EML1: variants seen among roughly 807,000 people sequenced by gnomAD.
EML1 encodes EMAP like 1, also known as echinoderm microtubule-associated protein-like 1.
Under a neutral mutation model 110.4 loss-of-function variants are expected in EML1, and 27 were observed. The ratio of observed to expected loss-of-function variants is 0.24; its 90% CI spans 0.18 to 0.34. EML1 has a LOEUF of 0.34. Ranked by LOEUF, EML1 falls within the 10% of genes least tolerant of loss-of-function variation. The pLI, the probability that EML1 is intolerant of heterozygous loss-of-function variation, is 1.00. For missense variants in EML1, 741 were observed against 1,030.9 expected (o/e 0.72, Z 3.85); for synonymous variants, 344 against 385.8 (o/e 0.89, Z 1.27).
intron 1 of EML1, among the ~76,000 whole-genome samples, chr14:99,838,112 T>C (rs747568316): frequency 4.6e-5 from 7 of 152,206 alleles, no homozygotes; most frequent in Non-Finnish European, 8.8e-5. Context: ...CACTGTGCTT[T>C]TCTAAATTTT....
chr14:99,835,266 T>A (rs1175995884), intron 1 of EML1, among the ~76,000 whole-genome samples: 4 of 152,234 alleles, frequency 2.6e-5, no homozygotes, highest in Admixed American at 1.3e-4. Flanking sequence ...ATAAAGTTTT[T>A]AAAAATATTT....
In EML1 at chr14:99,815,370, T is replaced by C. The variant is rs180747907; in HGVS notation, c.67+21827T>C. On this transcript the variant is annotated intron_variant, in intron 1 of 21. Coordinates refer to ENST00000262233, the MANE Select transcript of EML1 (RefSeq NM_004434.3). ...GTTAGCCAGGATGGTCTCGATCTCCTGACCTTGTGATCTGCTCGCCTCGGC... is the reference window on the plus strand; with the variant it reads ...GTTAGCCAGGATGGTCTCGATCTCCCGACCTTGTGATCTGCTCGCCTCGGC... Among the ~76,000 whole-genome samples, 291 of 152,214 alleles carry C rather than the reference T, an allele frequency of 1.9e-3. 2 individuals are homozygous for C. Among genetic ancestry groups the C allele is most frequent in the African/African-American group, 6.7e-3 (279 of 41,536 alleles).
At chr14:99,743,748 T>G (rs2057072141) in intron 1 of EML1, among the ~76,000 whole-genome samples, 1 of 152,226 alleles carries the variant, frequency 6.6e-6, no homozygotes, top group Non-Finnish European at 1.5e-5. Context: ...CGCAGGCTTT[T>G]TCATCTATGA....
intron 5 of EML1, among the ~76,000 whole-genome samples, chr14:99,892,977 T>C (rs1167951242): frequency 2.8e-5 from 4 of 143,364 alleles, no homozygotes; most frequent in African/African-American, 8.4e-5. Flanking sequence ...TTGGGTGCTT[T>C]TAGATTCTTT....
At chr14:99,898,191 T>TA (rs764629725) in intron 7 of EML1, 42 bp from the exon 8 acceptor site, 5 of 1,516,152 alleles carry the variant, frequency 3.3e-6, no homozygotes, top group East Asian at 4.7e-5. Flanking sequence ...AAGTAAAACT[T>TA]ACCTGCAACA....
At chr14:99,889,626 G>T (rs1237563769) in intron 4 of EML1, among the ~76,000 whole-genome samples, 1 of 152,214 alleles carries the variant, frequency 6.6e-6, no homozygotes, top group Non-Finnish European at 1.5e-5. Context: ...CCTGAGAGTG[G>T]CTGACTTCGG....
chr14:99,770,779 A>ATTTTTTTTTTTTTTTTTTTTTTT (rs34744469), upstream of EML1, among the ~76,000 whole-genome samples: 110 of 91,626 alleles, frequency 1.2e-3, 15 homozygotes, highest in East Asian at 2.9e-3. Flanking sequence ...GTTTCCGCTG[A>ATTTTTTTTTTTTTTTTTTTTTTT]TTTTTTTTTT....
At chr14:99,745,108 C>A (rs1157499949) in intron 1 of EML1, among the ~76,000 whole-genome samples, 2 of 152,116 alleles carry the variant, frequency 1.3e-5, no homozygotes, top group Non-Finnish European at 2.9e-5. Flanking sequence ...GCTCTGTCAC[C>A]CAGGCTTGAG....
intron 15 of EML1, among the ~76,000 whole-genome samples, chr14:99,917,464 G>T (rs992998013): frequency 2.0e-5 from 3 of 152,060 alleles, no homozygotes; most frequent in Non-Finnish European, 4.4e-5. Flanking sequence ...AGTCCCAGCT[G>T]CTTCAGAGGC....
At position 99,827,025 on chromosome 14, in the gene EML1, C is replaced by G. The variant is rs914472610; in HGVS notation, c.68-23828C>G. ...CCAGATTTTGTACACGTACTAAGTG[C>G]TGAATAAATACAGCAGTGCTGCAGG... On this transcript the variant is annotated intron_variant, in intron 1 of 21. Transcript: ENST00000262233. This position sits in a 1 kb window ranked among gnomAD's most constrained non-coding sequence, Gnocchi z 4.4. 4.9e-5 allele frequency among the ~76,000 whole-genome samples: 7 copies of G among 144,288 alleles called. No individual in the cohort carries two copies. The highest frequency in any genetic ancestry group is 3.2e-5 in the Non-Finnish European group (2 of 62,566). The allele number at this position is 144,288 out of a possible 152,430, so 94.7% of individuals were successfully genotyped here. A position where few individuals can be genotyped will look rare whatever the true frequency, so the allele number is the denominator to read the frequency against.
At chr14:99,766,864 A>T (rs1373897540) in intron 1 of EML1, among the ~76,000 whole-genome samples, 1 of 152,142 alleles carries the variant, frequency 6.6e-6, no homozygotes, top group African/African-American at 2.4e-5. Flanking sequence ...ATGGAGAGAG[A>T]GGGTCGGCCG....
Position 99,837,811 on chromosome 14 carries a change from A to G in EML1, c.68-13042A>G, listed in dbSNP as rs1049126560. 3.3e-5 allele frequency among the ~76,000 whole-genome samples: 5 copies of G among 151,968 alleles called. No individual in the cohort carries two copies. The South Asian group carries it at 1.0e-3, about 32-fold the overall frequency. On this transcript the variant is annotated intron_variant, in intron 1 of 21. Coordinates refer to ENST00000262233, the MANE Select transcript of EML1 (RefSeq NM_004434.3). ...GCTTTTCTTTTTGTTTTGTTGTTTT[A>G]TTGTTTTTGAGAGAGGCTTACTCTG...
At chr14:99,833,444 A>G (rs900992224) in intron 1 of EML1, among the ~76,000 whole-genome samples, 3 of 152,098 alleles carry the variant, frequency 2.0e-5, no homozygotes, top group African/African-American at 7.2e-5. Context: ...GCTCTTTTTC[A>G]AAGTTGTGGC....
At chr14:99,761,953 G>A (rs8022811) in intron 1 of EML1, among the ~76,000 whole-genome samples, 23,138 of 151,114 alleles carry the variant, frequency 0.15, 1,913 homozygotes, top group South Asian at 0.25. Flanking sequence ...CGAGAACTGG[G>A]GGCAAAATGA....
At chr14:99,760,075 C>G in intron 1 of EML1, among the ~76,000 whole-genome samples, 1 of 98,830 alleles carries the variant, frequency 1.0e-5, no homozygotes, top group African/African-American at 4.4e-5. Flanking sequence ...AAGAGCTAGA[C>G]TCCCTCTCAA....
chr14:99,887,376 G>A (rs547912673), intron 4 of EML1, among the ~76,000 whole-genome samples: 1 of 152,148 alleles, frequency 6.6e-6, no homozygotes, highest in Admixed American at 6.5e-5. Context: ...GTTCACCGGG[G>A]GGGCAAATCC....
In EML1 at chr14:99,940,725, T is replaced by G. The variant is rs2060574645; in HGVS notation, c.*613T>G. 6.6e-6 allele frequency: 1 copy of G among 152,244 alleles called. No individual in the cohort carries two copies. 9.4% of individuals were successfully genotyped at this position (152,244 alleles called of 1,614,324 possible). On this transcript the variant is annotated 3_prime_UTR_variant, in exon 22 of 22. Coordinates refer to ENST00000262233, the MANE Select transcript of EML1 (RefSeq NM_004434.3). ...GTGCTAAGCAGACTCTACTCCTAAC[T>G]GACTTCAATATTTCAGCAGGGTACA...
chr14:99,739,778 C>T (rs2057021245), intron 1 of EML1, among the ~76,000 whole-genome samples: 1 of 152,134 alleles, frequency 6.6e-6, no homozygotes, highest in African/African-American at 2.4e-5. Flanking sequence ...GAAGTTCAGG[C>T]CTTTCTAGGA....
intron 3 of EML1, among the ~76,000 whole-genome samples, chr14:99,869,096 CT>C (rs1161962600): frequency 6.6e-6 from 1 of 152,126 alleles, no homozygotes; most frequent in Non-Finnish European, 1.5e-5. Context: ...TAAAGATTGA[CT>C]TTTTATTGTA....
Sources: allele counts gnomAD v4.1 joint callset (sites outside exome capture counted in the v4.1 genomes callset), GRCh38; gene constraint gnomAD v4.1.1; non-coding constraint Gnocchi (gnomAD v3.1); transcripts MANE v1.5; gene names NCBI Gene and HGNC (gene_info 2026-07-23, HGNC 2026-07-21).